STK32C: variants seen among roughly 807,000 people sequenced by gnomAD.
The protein encoded by STK32C is serine/threonine kinase 32C.
In STK32C, 31 loss-of-function variants were observed where a neutral mutation model predicts 56.5. The ratio of observed to expected loss-of-function variants is 0.55; its 90% CI spans 0.41 to 0.74. The LOEUF (loss-of-function observed/expected upper bound fraction) is 0.74, where lower values mean the gene tolerates loss of function less well. STK32C is among the 30% of genes least tolerant of loss of function. STK32C has a pLI of 0.00. For missense variants in STK32C, 544 were observed against 676.9 expected (o/e 0.80, Z 2.18); for synonymous variants, 309 against 289.4 (o/e 1.07, Z -0.69).
intron 1 of STK32C, among the ~76,000 whole-genome samples, chr10:132,298,375 C>A (rs956354970): frequency 6.6e-6 from 1 of 152,250 alleles, no homozygotes; most frequent in Non-Finnish European, 1.5e-5. Flanking sequence ...CCTCCTGCCC[C>A]AATGTGGGGC....
At chr10:132,250,233 C>T (rs113751058) in intron 1 of STK32C, among the ~76,000 whole-genome samples, 9 of 152,110 alleles carry the variant, frequency 5.9e-5, no homozygotes, top group African/African-American at 2.2e-4. Flanking sequence ...GTGTGTGAGG[C>T]GCCCGGGACA....
chr10:132,230,329 G>A (rs1029743339), intron 2 of STK32C, among the ~76,000 whole-genome samples: 4 of 152,234 alleles, frequency 2.6e-5, no homozygotes, highest in African/African-American at 4.8e-5. Context: ...GCAGAGTCGC[G>A]TGGCTCGGCA....
rs2063341940 is a variant in STK32C, at chr10:132,237,658, GC to G, written c.318+8241del. Among the ~76,000 whole-genome samples, 4 of 152,320 alleles carry G rather than the reference GC, an allele frequency of 2.6e-5. No homozygotes were observed. In the South Asian group the frequency reaches 6.2e-4, roughly 24 times the overall value. The stretch of plus-strand genomic sequence containing the variant: ...GAACCTGAGTGTGCCGGCGGGGCTG[GC>G]CCCGGTGCAGCTCCATCCCTCTGCC... On this transcript the variant is annotated intron_variant, in intron 2 of 11. Coordinates refer to ENST00000298630, the MANE Select transcript of STK32C (RefSeq NM_173575.4).
At position 132,207,688 on chromosome 10, in the gene STK32C, G is replaced by A. The variant is rs15711; in HGVS notation, c.*322C>T. ...GTGACGAGGGCCGTGCACAGCCTCC[G>A]GGCTGAGCAGGGACAAAGACTCCTG... On this transcript the variant is annotated 3_prime_UTR_variant, in exon 12 of 12. Transcript: ENST00000298630. The A allele has an allele frequency of 5.5e-5, 14 of 255,272 alleles. No homozygotes were observed. Among genetic ancestry groups the A allele is most frequent in the Admixed American group, 1.7e-4 (3 of 18,054 alleles). 15.8% of individuals were successfully genotyped at this position (255,272 alleles called of 1,614,324 possible).
intron 1 of STK32C, among the ~76,000 whole-genome samples, chr10:132,316,515 A>G (rs1457784919): frequency 6.6e-6 from 1 of 152,128 alleles, no homozygotes; most frequent in Non-Finnish European, 1.5e-5. Flanking sequence ...GCTACTCGGG[A>G]GGCTAAGGCG....
chr10:132,273,281 C>T (rs2064888778), intron 1 of STK32C, among the ~76,000 whole-genome samples: 1 of 152,070 alleles, frequency 6.6e-6, no homozygotes, highest in Non-Finnish European at 1.5e-5. Context: ...AAGGAAGCTG[C>T]TCAGCCCTAA....
chr10:132,242,219 G>A (rs2063526999), intron 2 of STK32C, among the ~76,000 whole-genome samples: 1 of 152,164 alleles, frequency 6.6e-6, no homozygotes, highest in Non-Finnish European at 1.5e-5. Flanking sequence ...GCATGTATGG[G>A]GGCCAGGGGC....
chr10:132,304,349 AC>A (rs2065996793), intron 1 of STK32C, among the ~76,000 whole-genome samples: 1 of 152,002 alleles, frequency 6.6e-6, no homozygotes, highest in South Asian at 2.1e-4. Context: ...CCCCCAGTTC[AC>A]CCACAGTTCA....
intron 1 of STK32C, among the ~76,000 whole-genome samples, chr10:132,275,034 G>A (rs868490624): frequency 3.9e-5 from 6 of 152,192 alleles, no homozygotes; most frequent in African/African-American, 1.4e-4. Context: ...GGCACAGCAG[G>A]CCCAGTGTGT....
intron 1 of STK32C, among the ~76,000 whole-genome samples, chr10:132,288,044 C>T (rs767564207): frequency 6.6e-6 from 1 of 151,804 alleles, no homozygotes; most frequent in African/African-American, 2.4e-5. Flanking sequence ...AATAAACCCA[C>T]AATTATAAGC....
chr10:132,280,126 C>CCACTCTGTGATCACGCCCCTG (rs1296745497), intron 1 of STK32C, among the ~76,000 whole-genome samples: 43 of 142,484 alleles, frequency 3.0e-4, no homozygotes, highest in Non-Finnish European at 6.3e-4. Flanking sequence ...TCTGAGGCCT[C>CCACTCTGTGATCACGCCCCTG]CACTCTGTGA....
chr10:132,307,997 AGGGGCGGGGCTTCTGGAAGGGGCG>A (rs974075141), upstream of STK32C: 17 of 194,532 alleles, frequency 8.7e-5, no homozygotes, highest in South Asian at 1.9e-3. This position sits in a 1 kb window ranked among gnomAD's most constrained non-coding sequence, Gnocchi z 4.4. Flanking sequence ...GGGGCGGGGC[AGGGGCGGGGCTTCTGGAAGGGGCG>A]GGGGCGGGGC....
Position 132,222,950 on chromosome 10 carries a change from G to A in STK32C, c.1030C>T (p.Leu344Phe). 2 of 1,553,434 alleles carry A rather than the reference G, an allele frequency of 1.3e-6. No individual in the cohort carries two copies. The highest frequency in any genetic ancestry group is 1.7e-6 in the Non-Finnish European group (2 of 1,152,724). ...TVNPEHRLSS[L>F]QDVQAAPALA... ...GCCGGGGCTGCCTGCACGTCCTGGA[G>A]GCTGGAGAGCCGGTGCTCGGGGTTC... Residue 344 changes from leucine to phenylalanine, a missense_variant, in exon 9 of 12, where the codon CTC (leucine) becomes TTC (phenylalanine). Coordinates refer to ENST00000298630, the MANE Select transcript of STK32C (RefSeq NM_173575.4).
chr10:132,306,855 C>T (rs961001142), intron 1 of STK32C: 1 of 152,202 alleles, frequency 6.6e-6, no homozygotes, highest in African/African-American at 2.4e-5. Flanking sequence ...GGTGATAATT[C>T]GGGGGTCCCC....
chr10:132,211,917 T>C (rs557987843), intron 10 of STK32C, among the ~76,000 whole-genome samples: 2 of 152,182 alleles, frequency 1.3e-5, no homozygotes, highest in African/African-American at 4.8e-5. Context: ...CTCTCCTGGA[T>C]GCACTTTCTG....
At chr10:132,308,625 G>T (rs2066157688), upstream of STK32C, among the ~76,000 whole-genome samples, 1 of 152,078 alleles carries the variant, frequency 6.6e-6, no homozygotes, top group Admixed American at 6.5e-5. Context: ...GGCGCCTGGG[G>T]TGGGCGCTAA....
At chr10:132,256,270 C>G (rs1331674714) in intron 1 of STK32C, among the ~76,000 whole-genome samples, 1 of 152,112 alleles carries the variant, frequency 6.6e-6, no homozygotes, top group Admixed American at 6.5e-5. Flanking sequence ...GTCCTGGTGC[C>G]TACACCTCCA....
chr10:132,315,292 G>A (rs367930637), intron 1 of STK32C, among the ~76,000 whole-genome samples: 1 of 151,684 alleles, frequency 6.6e-6, no homozygotes, highest in African/African-American at 2.4e-5. Flanking sequence ...ACAGGGAGGG[G>A]AACATCACAC....
At chr10:132,236,165 C>T (rs574168914) in intron 2 of STK32C, among the ~76,000 whole-genome samples, 4 of 139,882 alleles carry the variant, frequency 2.9e-5, no homozygotes, top group African/African-American at 8.7e-5. Context: ...CACACATGGG[C>T]CTCAGTCAGG....
Sources: gnomAD v4.1 joint callset for allele counts (sites outside exome capture counted in the v4.1 genomes callset) on GRCh38, gnomAD v4.1.1 for gene constraint, Gnocchi (gnomAD v3.1) non-coding constraint, MANE v1.5 for transcripts, NCBI Gene and HGNC (gene_info 2026-07-23, HGNC 2026-07-21) for gene names.